WDR72: variants seen among roughly 807,000 people sequenced by gnomAD.
WDR72 encodes the protein WD repeat-containing protein 72.
In WDR72, 120 loss-of-function variants were observed where a neutral mutation model predicts 124.2. The observed-to-expected ratio is 0.97, with a 90% confidence interval of 0.83 to 1.12. The LOEUF (loss-of-function observed/expected upper bound fraction) is 1.12. WDR72 is among the 50% of genes most tolerant of loss of function. The pLI, the probability that WDR72 is intolerant of heterozygous loss-of-function variation, is 0.00. For synonymous variants in WDR72, 452 were observed against 441.7 expected (o/e 1.02, Z -0.29); for missense variants, 1,387 against 1,278.8 (o/e 1.08, Z -1.29).
At chr15:53,672,279 T>C (rs1457646905) in intron 13 of WDR72, among the ~76,000 whole-genome samples, 2 of 141,092 alleles carry the variant, frequency 1.4e-5, no homozygotes, top group East Asian at 2.3e-4. Flanking sequence ...GCCTTAAGCA[T>C]TAGCAGCACA....
chr15:53,643,093 GA>G (rs900727998), intron 14 of WDR72, among the ~76,000 whole-genome samples: 21 of 151,854 alleles, frequency 1.4e-4, no homozygotes, highest in Admixed American at 1.2e-3. Context: ...TACCAGTTAG[GA>G]AAAAAAGCGA....
At chr15:53,752,901 T>G (rs1371029640) in intron 1 of WDR72, among the ~76,000 whole-genome samples, 1 of 152,186 alleles carries the variant, frequency 6.6e-6, no homozygotes, top group Non-Finnish European at 1.5e-5. Context: ...ATTTATTAAT[T>G]CAATAATTAG....
At chr15:53,717,711 T>C (rs1457711272) in intron 3 of WDR72, among the ~76,000 whole-genome samples, 1 of 152,128 alleles carries the variant, frequency 6.6e-6, no homozygotes, top group Non-Finnish European at 1.5e-5. Flanking sequence ...TATCCTACAA[T>C]GCATAGAACA....
intron 18 of WDR72, among the ~76,000 whole-genome samples, chr15:53,554,250 C>T (rs1255505162): frequency 6.6e-6 from 1 of 151,994 alleles, no homozygotes; most frequent in African/African-American, 2.4e-5. Context: ...GGTAAAATAA[C>T]ATTGTCTCTA....
In WDR72 at chr15:53,705,141, T is replaced by G. The variant is rs35258188; in HGVS notation, c.1195A>C (p.Lys399Gln). 2.6e-3 allele frequency: 4,134 copies of G among 1,614,152 alleles called. 119 individuals are homozygous for G. In the African/African-American group the frequency reaches 0.049, roughly 19 times the overall value. Residue 399 changes from lysine (K) to glutamine (Q), a missense_variant, in exon 11 of 20, where the codon AAA (lysine) becomes CAA (glutamine). Transcript: ENST00000360509. ...QSIIDYFSGL[K>Q]DGAGTAVVTS... is the part of the protein sequence containing the mutation. ...ACTACAGCAGTTCCTGCCCCATCTTTAAGCCCAGAGAAATAGTCAATAATA... is the reference window on the plus strand; with the variant it reads ...ACTACAGCAGTTCCTGCCCCATCTTGAAGCCCAGAGAAATAGTCAATAATA...
intron 1 of WDR72, among the ~76,000 whole-genome samples, chr15:53,755,641 C>G (rs982640116): frequency 2.6e-5 from 4 of 152,158 alleles, no homozygotes; most frequent in Non-Finnish European, 5.9e-5. Context: ...CTCTGTTCTC[C>G]TCTTGAGAAT....
intron 14 of WDR72, among the ~76,000 whole-genome samples, chr15:53,654,902 T>C (rs552781160): frequency 1.3e-5 from 2 of 152,304 alleles, no homozygotes; most frequent in African/African-American, 4.8e-5. Flanking sequence ...ATCGTTAGCA[T>C]ACATAAATGT....
Position 53,716,614 on chromosome 15 carries a change from G to T in WDR72, c.332C>A (p.Ala111Glu), listed in dbSNP as rs1461011852. The part of the protein sequence containing the change: ...EKATLPYRHT[A>E]ICYYHCSFRM... ...GGAAGTGAGTGTACTTACACAGATT[G>T]CAGTGTGCCTGTAAGGAAGTGTAGC... Residue 111 changes from alanine to glutamate, a missense_variant, in exon 4 of 20, where the codon GCA (alanine) becomes GAA (glutamate). Coordinates refer to ENST00000360509, the MANE Select transcript of WDR72 (RefSeq NM_182758.4). 3 of 1,604,588 alleles carry T rather than the reference G, an allele frequency of 1.9e-6. No individual in the cohort carries two copies. Among genetic ancestry groups the T allele is most frequent in the Non-Finnish European group, 2.6e-6 (3 of 1,171,302 alleles).
At chr15:53,697,461 A>T (rs1385366503) in intron 13 of WDR72, among the ~76,000 whole-genome samples, 1 of 152,126 alleles carries the variant, frequency 6.6e-6, no homozygotes, top group Non-Finnish European at 1.5e-5. Context: ...CTATGACTTC[A>T]TGGGGTGACC....
chr15:53,517,515 TG>T lies in WDR72; in HGVS notation c.*183del, dbSNP rs547924527. ...TGAATATGAATATTTTCAATCAGTATGTATTGCATTGTAATCAGCATGTATT... is the reference window on the plus strand; with the variant it reads ...TGAATATGAATATTTTCAATCAGTATTATTGCATTGTAATCAGCATGTATT... On this transcript the variant is annotated 3_prime_UTR_variant, in exon 20 of 20. Transcript: ENST00000360509. 1.4e-5 allele frequency: 9 copies of T among 642,690 alleles called. No individual in the cohort carries two copies. The highest frequency in any genetic ancestry group is 3.6e-5 in the African/African-American group (2 of 55,066). The allele number at this position is 642,690 out of a possible 1,614,324, so 39.8% of individuals were successfully genotyped here. A position where few individuals can be genotyped will look rare whatever the true frequency, so the allele number is the denominator to read the frequency against.
chr15:53,699,908 T>C lies in WDR72; in HGVS notation c.1607A>G (p.Asp536Gly), dbSNP rs1292058063. ...GEQIICCVCGDHSVALLHLEG... is the reference protein window; with the variant it reads ...GEQIICCVCGGHSVALLHLEG... ...AAGGTGAAGGAGAGCCACGGAATGG[T>C]CACCGCACACACAGCAAATTATCTG... Residue 536 changes from aspartate (D) to glycine (G), a missense_variant, in exon 13 of 20, where the codon GAC (aspartate) becomes GGC (glycine). By Grantham distance (94) the Asp-to-Gly change is moderately conservative. Transcript: ENST00000360509. 1 of 1,614,170 alleles carries C rather than the reference T, an allele frequency of 6.2e-7. No individual in the cohort carries two copies. Among genetic ancestry groups the C allele is most frequent in the South Asian group, 1.1e-5 (1 of 91,080 alleles).
At chr15:53,649,367 G>A (rs918363674) in intron 14 of WDR72, among the ~76,000 whole-genome samples, 5 of 152,032 alleles carry the variant, frequency 3.3e-5, no homozygotes, top group African/African-American at 9.7e-5. Flanking sequence ...AAATTAATGG[G>A]AATTTTAATT....
At chr15:53,714,373 A>T in intron 6 of WDR72, 61 bp downstream of exon 6, 1 of 1,365,566 alleles carries the variant, frequency 7.3e-7, no homozygotes, top group Non-Finnish European at 1.0e-6. Flanking sequence ...CTTAAAATTT[A>T]TAAATTTTAA....
chr15:53,674,815 C>G (rs2140467441), intron 13 of WDR72, among the ~76,000 whole-genome samples: 1 of 152,176 alleles, frequency 6.6e-6, no homozygotes, highest in South Asian at 2.1e-4. Context: ...CCAGCTCTGC[C>G]ACAGCCTCCA....
intron 13 of WDR72, among the ~76,000 whole-genome samples, chr15:53,670,564 G>A (rs757673313): frequency 2.0e-5 from 3 of 152,194 alleles, no homozygotes; most frequent in Non-Finnish European, 4.4e-5. Context: ...ACAGCATGGT[G>A]TTTAGGGGCA....
chr15:53,658,080 C>T (rs995853316), intron 14 of WDR72, among the ~76,000 whole-genome samples: 1 of 152,160 alleles, frequency 6.6e-6, no homozygotes, highest in Non-Finnish European at 1.5e-5. Context: ...TAGATGAGGA[C>T]TTATGTCCTC....
At chr15:53,722,736 T>C in intron 3 of WDR72, 66 bp downstream of exon 3, 8 of 1,400,222 alleles carry the variant, frequency 5.7e-6, no homozygotes, top group Non-Finnish European at 7.1e-6. Context: ...TAAAATTGTA[T>C]TCCATTGTAG....
rs560617859 is a variant in WDR72, at chr15:53,715,510, G to A, written c.340-143C>T. The A allele has an allele frequency of 2.5e-4, 246 of 973,722 alleles. 1 individual carries two copies. The African/African-American group carries it at 3.8e-3, about 15-fold the overall frequency. 60.3% of individuals were successfully genotyped at this position (973,722 alleles called of 1,614,324 possible). On this transcript the variant is annotated intron_variant, in intron 4 of 19. Coordinates refer to ENST00000360509, the MANE Select transcript of WDR72 (RefSeq NM_182758.4). ...TGAATAGCAACTAAAATTTCTCTTA[G>A]TTCAGTTATTCCAAACTCCTATTGG... is the stretch of plus-strand genomic sequence containing the variant.
At chr15:53,665,869 G>C in intron 13 of WDR72, 101 bp from the exon 14 acceptor site, 1 of 1,190,440 alleles carries the variant, frequency 8.4e-7, no homozygotes, top group Non-Finnish European at 1.2e-6. Context: ...AATCCTTTAA[G>C]TTATCGTGCC....
Sources: allele counts gnomAD v4.1 joint callset (sites outside exome capture counted in the v4.1 genomes callset), GRCh38; gene constraint gnomAD v4.1.1; transcripts MANE v1.5; gene names NCBI Gene and HGNC (gene_info 2026-07-23, HGNC 2026-07-21).